DISC1: variants seen among roughly 807,000 people sequenced by gnomAD.
The protein encoded by DISC1 is disrupted in schizophrenia 1 protein.
Under a neutral mutation model 84.5 loss-of-function variants are expected in DISC1, and 57 were observed. The observed-to-expected ratio is 0.67, with a 90% CI of 0.55 to 0.84. DISC1 has a LOEUF of 0.84. DISC1 is among the 40% of genes least tolerant of loss of function. The pLI is 0.00. For missense variants in DISC1, 1,000 were observed against 1,057.8 expected (o/e 0.95, Z 0.76); for synonymous variants, 411 against 415.2 (o/e 0.99, Z 0.12).
At chr1:232,001,224 A>G (rs1666644849) in intron 10 of DISC1, among the ~76,000 whole-genome samples, 1 of 152,124 alleles carries the variant, frequency 6.6e-6, no homozygotes, top group South Asian at 2.1e-4. Flanking sequence ...AACTACAAGC[A>G]TGTGCCACTG....
chr1:231,635,558 C>T (rs950831386), intron 1 of DISC1, among the ~76,000 whole-genome samples: 7 of 152,172 alleles, frequency 4.6e-5, no homozygotes, highest in African/African-American at 1.7e-4. Flanking sequence ...GGTTTCAGTT[C>T]TGGTTTATCT....
At chr1:231,693,265 C>T (rs1425111833) in intron 1 of DISC1, among the ~76,000 whole-genome samples, 2 of 152,270 alleles carry the variant, frequency 1.3e-5, no homozygotes, top group African/African-American at 4.8e-5. Context: ...CTGTCATCCA[C>T]TGAGTGAGAT....
intron 9 of DISC1, among the ~76,000 whole-genome samples, chr1:231,873,202 AC>A (rs1464217097): frequency 1.3e-5 from 2 of 152,150 alleles, no homozygotes; most frequent in South Asian, 2.1e-4. Context: ...GGAAGAACAA[AC>A]CCATTATCTG....
At chr1:231,780,232 T>C (rs1485432650) in intron 6 of DISC1, among the ~76,000 whole-genome samples, 1 of 28,658 alleles carries the variant, frequency 3.5e-5, no homozygotes, top group African/African-American at 1.4e-4. Flanking sequence ...AAACTTAAAG[T>C]ATAATAAAAA....
chr1:231,737,174 A>G (rs1480904507), intron 3 of DISC1, among the ~76,000 whole-genome samples: 2 of 152,196 alleles, frequency 1.3e-5, no homozygotes, highest in East Asian at 1.9e-4. Flanking sequence ...TAACATTTCT[A>G]TTGCTGAGGT....
chr1:231,690,187 A>G (rs945891015), intron 1 of DISC1, among the ~76,000 whole-genome samples: 5 of 152,164 alleles, frequency 3.3e-5, no homozygotes, highest in African/African-American at 7.2e-5. Flanking sequence ...GTTGGGCTCA[A>G]TAAGGTGGAG....
chr1:231,712,929 T>G (rs571385969), intron 3 of DISC1, among the ~76,000 whole-genome samples: 1 of 152,252 alleles, frequency 6.6e-6, no homozygotes, highest in Non-Finnish European at 1.5e-5. Context: ...AAAAGCACCA[T>G]GTATACAGGA....
chr1:231,887,957 C>T (rs1362414063), intron 9 of DISC1, among the ~76,000 whole-genome samples: 1 of 152,216 alleles, frequency 6.6e-6, no homozygotes, highest in African/African-American at 2.4e-5. Context: ...CACACACCAA[C>T]ATGGATAAAT....
chr1:231,900,501 A>C (rs116823211), intron 9 of DISC1, among the ~76,000 whole-genome samples: 1 of 152,206 alleles, frequency 6.6e-6, no homozygotes, highest in African/African-American at 2.4e-5. Context: ...CCCTGGAGAC[A>C]TTAGTTTGCT....
rs557606219 is a variant in DISC1 at position 231,761,411 on chromosome 1, G to A, written c.1269-5729G>A. Reference sequence around the variant, plus strand: ...TCAGAGGACAGAAGATTTGAAAGACGGAAGCCTGTCCCTTGCTTCATTACT... The same window carrying A: ...TCAGAGGACAGAAGATTTGAAAGACAGAAGCCTGTCCCTTGCTTCATTACT... On this transcript the variant is annotated intron_variant, in intron 4 of 12. Coordinates refer to ENST00000439617, the MANE Select transcript of DISC1 (RefSeq NM_018662.3). Among the ~76,000 whole-genome samples the A allele has an allele frequency of 2.6e-5, 4 of 152,292 alleles. No homozygotes were observed. In the South Asian group the frequency reaches 8.3e-4, roughly 32 times the overall value.
At chr1:231,739,240 G>T (rs2072933116) in intron 3 of DISC1, among the ~76,000 whole-genome samples, 1 of 152,198 alleles carries the variant, frequency 6.6e-6, no homozygotes, top group African/African-American at 2.4e-5. Flanking sequence ...CAAGTCATTA[G>T]AATCTTTTCT....
intron 6 of DISC1, among the ~76,000 whole-genome samples, chr1:231,781,832 G>A (rs1184189504): frequency 6.6e-6 from 1 of 152,226 alleles, no homozygotes; most frequent in Non-Finnish European, 1.5e-5. Flanking sequence ...AAGAGCAGAA[G>A]TTTTGGAATC....
intron 4 of DISC1, among the ~76,000 whole-genome samples, chr1:231,751,108 TAG>T (rs2074561145): frequency 6.6e-6 from 1 of 152,248 alleles, no homozygotes; most frequent in Non-Finnish European, 1.5e-5. Context: ...TTCTCCTCAA[TAG>T]AGAGTGAATT....
intron 9 of DISC1, among the ~76,000 whole-genome samples, chr1:231,888,793 G>C (rs566232809): frequency 6.6e-6 from 1 of 151,182 alleles, no homozygotes; most frequent in East Asian, 2.0e-4. Flanking sequence ...CATCCACAGG[G>C]CTGCTGCTGC....
At chr1:231,656,713 C>G (rs2061121961) in intron 1 of DISC1, among the ~76,000 whole-genome samples, 1 of 152,174 alleles carries the variant, frequency 6.6e-6, no homozygotes, top group South Asian at 2.1e-4. Context: ...GTTTGCTGCA[C>G]AGATCATCCT....
intron 1 of DISC1, 68 bp downstream of exon 1, chr1:231,627,002 C>T (rs986981245): frequency 1.7e-6 from 2 of 1,168,880 alleles, no homozygotes; most frequent in African/African-American, 1.6e-5. Flanking sequence ...GCGCTCTGGC[C>T]CCCAGGAAGT....
chr1:232,002,705 T>A (rs1164146848), intron 10 of DISC1, among the ~76,000 whole-genome samples: 1 of 151,834 alleles, frequency 6.6e-6, no homozygotes. Context: ...AATGACAACA[T>A]TTTAAAAAGT....
At chr1:231,976,471 A>G (rs562176152) in intron 10 of DISC1, among the ~76,000 whole-genome samples, 1 of 152,334 alleles carries the variant, frequency 6.6e-6, no homozygotes, top group South Asian at 2.1e-4. Flanking sequence ...ACTTTGGGAC[A>G]GAAAAAGGAA....
chr1:232,029,893 G>A (rs1300199553), intron 12 of DISC1, among the ~76,000 whole-genome samples: 1 of 152,200 alleles, frequency 6.6e-6, no homozygotes. Context: ...CGAGTTATGG[G>A]CAGCCTCATG....
Sources: allele counts gnomAD v4.1 joint callset (sites outside exome capture counted in the v4.1 genomes callset), GRCh38; gene constraint gnomAD v4.1.1; transcripts MANE v1.5; gene names NCBI Gene and HGNC (gene_info 2026-07-23, HGNC 2026-07-21).